Variants in AGBL1 observed in about 807,000 individuals in gnomAD.
AGBL1 encodes AGBL carboxypeptidase 1, also known as cytosolic carboxypeptidase 4.
A neutral mutation model predicts 118.9 loss-of-function variants in AGBL1; 130 were observed. That is an observed-to-expected ratio of 1.09 (90% CI 0.95 to 1.26). The LOEUF is 1.26. AGBL1 is among the 50% of genes most tolerant of loss of function. AGBL1 has a pLI of 0.00. For synonymous variants in AGBL1, 555 were observed against 478.9 expected (o/e 1.16, Z -2.08); for missense variants, 1,584 against 1,298.1 (o/e 1.22, Z -3.38).
intron 18 of AGBL1, among the ~76,000 whole-genome samples, chr15:86,400,948 A>G (rs2081436336): frequency 6.6e-6 from 1 of 152,138 alleles, no homozygotes; most frequent in Non-Finnish European, 1.5e-5. Flanking sequence ...TGACTTTCAT[A>G]TAATGACTTT....
chr15:86,241,925 C>T (rs746573459), intron 6 of AGBL1, among the ~76,000 whole-genome samples: 1 of 152,180 alleles, frequency 6.6e-6, no homozygotes, highest in Non-Finnish European at 1.5e-5. Context: ...TGAATTGTAG[C>T]TCTCACAGTT....
chr15:86,831,701 G>A (rs909017123), intron 22 of AGBL1, among the ~76,000 whole-genome samples: 5 of 152,164 alleles, frequency 3.3e-5, no homozygotes, highest in Non-Finnish European at 7.4e-5. Context: ...GACTGGCATT[G>A]AGTGACTGCA....
chr15:86,171,407 A>G (rs1314717560), intron 5 of AGBL1, among the ~76,000 whole-genome samples: 1 of 152,226 alleles, frequency 6.6e-6, no homozygotes, highest in Non-Finnish European at 1.5e-5. Flanking sequence ...TAAGTGTCTT[A>G]TGTATTAAAT....
intron 22 of AGBL1, among the ~76,000 whole-genome samples, chr15:86,809,847 A>C (rs2141365861): frequency 6.6e-6 from 1 of 152,286 alleles, no homozygotes; most frequent in African/African-American, 2.4e-5. Context: ...TGAGGAGATA[A>C]GCAGCTCTGG....
chr15:86,786,497 G>C (rs12916881), intron 22 of AGBL1, among the ~76,000 whole-genome samples: 9 of 151,928 alleles, frequency 5.9e-5, no homozygotes, highest in African/African-American at 2.2e-4. Context: ...AAATATAATA[G>C]ACACATACAT....
In AGBL1 at chr15:86,957,773, C is replaced by T. The variant is rs560813698; in HGVS notation, c.3222-30214C>T. On this transcript the variant is annotated intron_variant, in intron 23 of 24. Transcript: ENST00000441037. ...AATATAATGAATCATCAATTCTTGT[C>T]GTATTAATCTATAAGTTAAATGTTA... Among the ~76,000 whole-genome samples the T allele has an allele frequency of 1.2e-4, 19 of 152,032 alleles. No individual in the cohort carries two copies. The East Asian group carries it at 2.7e-3, about 22-fold the overall frequency.
chr15:86,875,148 C>A (rs1015854841), intron 22 of AGBL1, among the ~76,000 whole-genome samples: 3 of 152,188 alleles, frequency 2.0e-5, no homozygotes, highest in African/African-American at 7.2e-5. Context: ...GTCACAATTT[C>A]TCTTCCCTGT....
chr15:86,912,499 T>A lies in AGBL1; in HGVS notation c.*5205T>A, dbSNP rs183896066. 623 of 152,214 alleles carry A rather than the reference T, an allele frequency of 4.1e-3. 5 individuals are homozygous for A. Among genetic ancestry groups the A allele is most frequent in the Non-Finnish European group, 5.2e-3 (357 of 68,042 alleles). 9.4% of individuals were successfully genotyped at this position (152,214 alleles called of 1,614,324 possible). ...ATCAGCATCCAAGAATTCCATACATTGGCTTCAGTTTCCTTCCAGAAAGAG... is the reference window on the plus strand; with the variant it reads ...ATCAGCATCCAAGAATTCCATACATAGGCTTCAGTTTCCTTCCAGAAAGAG... On this transcript the variant is annotated 3_prime_UTR_variant, in exon 23 of 23. Coordinates refer to ENST00000614907, the MANE Select transcript of AGBL1 (RefSeq NM_001386094.1).
intron 18 of AGBL1, among the ~76,000 whole-genome samples, chr15:86,474,480 A>G (rs1051774479): frequency 6.6e-6 from 1 of 152,230 alleles, no homozygotes; most frequent in African/African-American, 2.4e-5. Flanking sequence ...ACTCATTGCC[A>G]GCACAGCAGT....
chr15:86,966,987 G>C (rs1596685338), intron 23 of AGBL1, among the ~76,000 whole-genome samples: 1 of 152,084 alleles, frequency 6.6e-6, no homozygotes, highest in Non-Finnish European at 1.5e-5. Context: ...TCCAGTACCT[G>C]TTGTTTCCTG....
intron 23 of AGBL1, among the ~76,000 whole-genome samples, chr15:86,928,976 T>C (rs1372041729): frequency 4.6e-5 from 7 of 152,214 alleles, no homozygotes. Context: ...GCAACTATTA[T>C]CTCCAGAACT....
intron 24 of AGBL1, among the ~76,000 whole-genome samples, chr15:87,006,674 T>C (rs28546570): frequency 0.099 from 15,038 of 152,124 alleles, 1,322 homozygotes; most frequent in African/African-American, 0.23. Flanking sequence ...CTTTGGCTCA[T>C]GCTTTGTGCA....
intron 22 of AGBL1, among the ~76,000 whole-genome samples, chr15:86,843,337 C>A (rs546947349): frequency 8.2e-5 from 12 of 146,412 alleles, no homozygotes; most frequent in East Asian, 5.9e-4. Context: ...GAAGCCAGGA[C>A]TTTTTTTTTT....
At chr15:86,381,453 G>A (rs1185061988) in intron 17 of AGBL1, among the ~76,000 whole-genome samples, 2 of 151,778 alleles carry the variant, frequency 1.3e-5, no homozygotes, top group African/African-American at 4.9e-5. Flanking sequence ...ATCTTACAAA[G>A]TGTGTTGGCT....
intron 18 of AGBL1, among the ~76,000 whole-genome samples, chr15:86,403,696 A>G (rs2081481240): frequency 6.6e-6 from 1 of 152,198 alleles, no homozygotes; most frequent in Admixed American, 6.5e-5. Context: ...CAATTTCTAG[A>G]TAAGAAAAGT....
chr15:86,631,171 G>A (rs1278002419), intron 21 of AGBL1: 1 of 152,352 alleles, frequency 6.6e-6, no homozygotes, highest in Non-Finnish European at 1.5e-5. Context: ...GACACAAGTG[G>A]CCTTGGGCCT....
At chr15:86,293,226 G>T (rs1158611845) in intron 16 of AGBL1, among the ~76,000 whole-genome samples, 3 of 152,198 alleles carry the variant, frequency 2.0e-5, no homozygotes, top group Non-Finnish European at 4.4e-5. Flanking sequence ...AAATGTAGTG[G>T]CTTCAACAGG....
chr15:87,002,331 T>G (rs906931230), intron 24 of AGBL1, among the ~76,000 whole-genome samples: 7 of 151,848 alleles, frequency 4.6e-5, no homozygotes, highest in African/African-American at 1.5e-4. Flanking sequence ...TGTTCCATTG[T>G]TCTATATCTC....
At chr15:86,087,931 C>T (rs1362790833) in intron 1 of AGBL1, among the ~76,000 whole-genome samples, 1 of 152,210 alleles carries the variant, frequency 6.6e-6, no homozygotes, top group Non-Finnish European at 1.5e-5. Context: ...TAGCTGTCTC[C>T]ACAGGCTGGA....
Sources: allele counts gnomAD v4.1 joint callset (sites outside exome capture counted in the v4.1 genomes callset), GRCh38; gene constraint gnomAD v4.1.1; transcripts MANE v1.5; gene names NCBI Gene and HGNC (gene_info 2026-07-23, HGNC 2026-07-21).